OXR1: variants seen among roughly 807,000 people sequenced by gnomAD.
OXR1 encodes oxidation resistance protein 1.
In OXR1, 41 loss-of-function variants were observed where a neutral mutation model predicts 104.6. That is an observed-to-expected ratio of 0.39 (90% CI 0.31 to 0.51). The LOEUF (loss-of-function observed/expected upper bound fraction) is 0.51. OXR1 is among the 20% of genes least tolerant of loss of function. The pLI, the probability that OXR1 is intolerant of heterozygous loss-of-function variation, is 0.77. For synonymous variants in OXR1, 348 were observed against 348.4 expected, an observed-to-expected ratio of 1.00 and a Z score of 0.01; for missense variants, 955 against 1,031.9, an observed-to-expected ratio of 0.93 and a Z score of 1.02.
At chr8:106,377,283 A>G (rs1173328946) in intron 2 of OXR1, among the ~76,000 whole-genome samples, 1 of 152,060 alleles carries the variant, frequency 6.6e-6, no homozygotes, top group East Asian at 1.9e-4. Context: ...CCTGAGCCCA[A>G]GCGATCTTTC....
At chr8:106,373,175 T>C (rs886320955) in intron 2 of OXR1, among the ~76,000 whole-genome samples, 2 of 152,208 alleles carry the variant, frequency 1.3e-5, no homozygotes, top group African/African-American at 2.4e-5. Context: ...TATCATTTTA[T>C]ACCTGGAACT....
chr8:106,663,083 A>T (rs1414978815), intron 3 of OXR1, among the ~76,000 whole-genome samples: 1 of 152,170 alleles, frequency 6.6e-6, no homozygotes, highest in Non-Finnish European at 1.5e-5. Flanking sequence ...AAAATCCAAA[A>T]CACTCCTGTT....
intron 3 of OXR1, among the ~76,000 whole-genome samples, chr8:106,581,499 T>G (rs1818219642): frequency 6.6e-6 from 1 of 151,582 alleles, no homozygotes; most frequent in Admixed American, 6.6e-5. Flanking sequence ...GATTCTGTGT[T>G]TTTTTTTTAA....
At chr8:106,726,364 C>A in intron 11 of OXR1, 2 of 905,630 alleles carry the variant, frequency 2.2e-6, no homozygotes, top group South Asian at 1.8e-5. Context: ...TTCATGGTGA[C>A]ATTATGAAAA....
At chr8:106,638,055 G>A (rs1823304642) in intron 3 of OXR1, among the ~76,000 whole-genome samples, 1 of 151,998 alleles carries the variant, frequency 6.6e-6, no homozygotes, top group Non-Finnish European at 1.5e-5. Context: ...GTGAGCCACC[G>A]TGCCTGGCCC....
At chr8:106,271,008 C>T (rs933049892) in intron 1 of OXR1, among the ~76,000 whole-genome samples, 22 of 152,060 alleles carry the variant, frequency 1.4e-4, no homozygotes, top group Middle Eastern at 3.4e-3. Flanking sequence ...CCCGAGGCCA[C>T]ATGTTGGGAA....
chr8:106,492,760 C>T (rs1811177682), intron 2 of OXR1, among the ~76,000 whole-genome samples: 1 of 152,148 alleles, frequency 6.6e-6, no homozygotes, highest in Non-Finnish European at 1.5e-5. Flanking sequence ...ATGCCTCATA[C>T]ACCTTAAACT....
chr8:106,372,047 G>C (rs1348439662), intron 2 of OXR1, among the ~76,000 whole-genome samples: 6 of 152,202 alleles, frequency 3.9e-5, no homozygotes, highest in African/African-American at 1.4e-4. Context: ...AACTGTGCTG[G>C]TTGCCCCTCC....
intron 3 of OXR1, among the ~76,000 whole-genome samples, chr8:106,666,152 AAT>A (rs774892969): frequency 4.5e-4 from 68 of 152,210 alleles, no homozygotes; most frequent in Non-Finnish European, 7.3e-4. Flanking sequence ...AATTAATCCA[AAT>A]ATGCAGTTAT....
intron 2 of OXR1, among the ~76,000 whole-genome samples, chr8:106,512,327 A>G (rs1440614524): frequency 6.6e-6 from 1 of 152,186 alleles, no homozygotes; most frequent in African/African-American, 2.4e-5. Context: ...TGAGTTGTAT[A>G]TGCTAATTTT....
intron 7 of OXR1, among the ~76,000 whole-genome samples, chr8:106,696,370 A>G (rs559692656): frequency 6.6e-6 from 1 of 152,194 alleles, no homozygotes; most frequent in African/African-American, 2.4e-5. Flanking sequence ...TATCCATTCC[A>G]CTATTAAATG....
intron 2 of OXR1, among the ~76,000 whole-genome samples, chr8:106,482,751 T>G (rs1306878631): frequency 6.6e-6 from 1 of 152,082 alleles, no homozygotes; most frequent in Admixed American, 6.6e-5. Context: ...AGAATTTCTT[T>G]TCACTCATTT....
intron 1 of OXR1, among the ~76,000 whole-genome samples, chr8:106,337,187 G>A (rs1022778998): frequency 6.6e-6 from 1 of 151,994 alleles, no homozygotes; most frequent in East Asian, 1.9e-4. Context: ...CTATCATATG[G>A]CATATTTAAT....
intron 1 of OXR1, among the ~76,000 whole-genome samples, chr8:106,300,243 A>C (rs1237095322): frequency 2.5e-4 from 38 of 152,046 alleles, no homozygotes; most frequent in South Asian, 1.9e-3. Flanking sequence ...TGACCTCTTC[A>C]TTTTTACTCA....
intron 3 of OXR1, among the ~76,000 whole-genome samples, chr8:106,552,658 G>A (rs1815932185): frequency 6.6e-6 from 1 of 152,132 alleles, no homozygotes. Flanking sequence ...TTTATTCTCT[G>A]TGTCTTCCTG....
At chr8:106,721,985 C>T (rs972740421) in intron 11 of OXR1, among the ~76,000 whole-genome samples, 22 of 152,094 alleles carry the variant, frequency 1.4e-4, no homozygotes, top group Admixed American at 5.9e-4. Context: ...CATTAGGTTT[C>T]CCAGAAAACT....
intron 1 of OXR1, among the ~76,000 whole-genome samples, chr8:106,285,171 C>T (rs897114234): frequency 6.6e-6 from 1 of 152,060 alleles, no homozygotes; most frequent in African/African-American, 2.4e-5. Flanking sequence ...AATTTTGAGT[C>T]CCCATTTGAT....
rs1355792990 is a variant in OXR1, at chr8:106,402,477, C to A, written c.23+42841C>A. On this transcript the variant is annotated intron_variant, in intron 2 of 16. Coordinates refer to ENST00000517566, the MANE Select transcript of OXR1 (RefSeq NM_001198533.2). ...ATGTATTCTGGAACTAGGAAAATAACCACAAGATAGGTTCAGGGACTTACT... is the reference window on the plus strand; with the variant it reads ...ATGTATTCTGGAACTAGGAAAATAAACACAAGATAGGTTCAGGGACTTACT... Among the ~76,000 whole-genome samples the A allele has an allele frequency of 3.3e-5, 5 of 152,266 alleles. No individual in the cohort carries two copies. The South Asian group carries it at 6.2e-4, about 19-fold the overall frequency.
chr8:106,293,155 A>T (rs1812827305), intron 1 of OXR1, among the ~76,000 whole-genome samples: 1 of 152,174 alleles, frequency 6.6e-6, no homozygotes. Context: ...GATCTACTTT[A>T]GATCAATGCT....
Sources: allele counts gnomAD v4.1 joint callset (sites outside exome capture counted in the v4.1 genomes callset), GRCh38; gene constraint gnomAD v4.1.1; transcripts MANE v1.5; gene names NCBI Gene and HGNC (gene_info 2026-07-23, HGNC 2026-07-21).